Variants in PCLO observed in about 807,000 individuals in gnomAD.
PCLO encodes piccolo presynaptic cytomatrix protein, also known as protein piccolo.
Under a neutral mutation model 427.5 loss-of-function variants are expected in PCLO, and 82 were observed. The observed-to-expected ratio is 0.19, with a 90% confidence interval of 0.16 to 0.23. PCLO has a LOEUF of 0.23. Ranked by LOEUF, PCLO falls within the 10% of genes least tolerant of loss-of-function variation. The pLI is 1.00. For synonymous variants in PCLO, 2,357 were observed against 2,155.4 expected, an observed-to-expected ratio of 1.09 and a Z score of -2.59; for missense variants, 6,239 against 6,115.9, an observed-to-expected ratio of 1.02 and a Z score of -0.67.
chr7:82,796,882 T>C (rs1046191244), intron 22 of PCLO, among the ~76,000 whole-genome samples: 9 of 150,422 alleles, frequency 6.0e-5, no homozygotes, highest in African/African-American at 2.2e-4. Flanking sequence ...ATCCAAAGTT[T>C]TAATATAGTG....
At chr7:83,120,312 G>T (rs1451832861) in intron 3 of PCLO, among the ~76,000 whole-genome samples, 2 of 146,094 alleles carry the variant, frequency 1.4e-5, no homozygotes, top group African/African-American at 5.1e-5. Context: ...TGAGGCACAA[G>T]AATTGCTTGA....
At chr7:82,967,767 T>C (rs1208440699) in intron 3 of PCLO, among the ~76,000 whole-genome samples, 2 of 152,204 alleles carry the variant, frequency 1.3e-5, no homozygotes, top group East Asian at 3.8e-4. Flanking sequence ...TTGATGTGTG[T>C]TGCATTTTTT....
intron 3 of PCLO, among the ~76,000 whole-genome samples, chr7:83,073,327 C>T (rs1311859603): frequency 6.6e-6 from 1 of 151,916 alleles, no homozygotes; most frequent in Non-Finnish European, 1.5e-5. Context: ...AAATATTTTC[C>T]TAGCTTATGA....
chr7:82,934,328 T>C (rs148502712), intron 6 of PCLO, among the ~76,000 whole-genome samples: 1,921 of 151,946 alleles, frequency 0.013, 19 homozygotes, highest in Middle Eastern at 0.027. Flanking sequence ...CTAATTCTAG[T>C]ATATTAATTA....
At chr7:82,770,945 T>C (rs1057321683) in intron 22 of PCLO, among the ~76,000 whole-genome samples, 1 of 152,030 alleles carries the variant, frequency 6.6e-6, no homozygotes, top group Non-Finnish European at 1.5e-5. Context: ...AGAAATATGT[T>C]TTCTGAACAA....
intron 20 of PCLO, chr7:82,820,577 G>C: frequency 8.1e-7 from 1 of 1,227,628 alleles, no homozygotes; most frequent in South Asian, 4.2e-5. Flanking sequence ...AACACGAGTG[G>C]AAAATGTCTG....
intron 3 of PCLO, among the ~76,000 whole-genome samples, chr7:83,033,380 A>G (rs1788718605): frequency 6.6e-6 from 1 of 152,192 alleles, no homozygotes; most frequent in African/African-American, 2.4e-5. Flanking sequence ...CAATAAGATA[A>G]TATTTGGGAA....
At chr7:82,821,131 T>C (rs2115634168) in intron 20 of PCLO, 1 of 1,027,740 alleles carries the variant, frequency 9.7e-7, no homozygotes, top group African/African-American at 1.7e-5. Context: ...GCTTGACTGG[T>C]CCATCAGACA....
At chr7:82,839,937 C>A (rs1042566503) in intron 14 of PCLO, among the ~76,000 whole-genome samples, 3 of 151,732 alleles carry the variant, frequency 2.0e-5, no homozygotes, top group African/African-American at 4.8e-5. Flanking sequence ...CACTGCCTTA[C>A]GAAAATATCC....
intron 3 of PCLO, among the ~76,000 whole-genome samples, chr7:83,090,062 T>G (rs946574949): frequency 1.3e-5 from 2 of 152,142 alleles, no homozygotes; most frequent in Admixed American, 1.3e-4. Flanking sequence ...TCCAGCACTT[T>G]GGGAGGCCGA....
At chr7:82,987,568 G>A (rs978199537) in intron 3 of PCLO, among the ~76,000 whole-genome samples, 5 of 151,988 alleles carry the variant, frequency 3.3e-5, no homozygotes, top group Non-Finnish European at 7.4e-5. Flanking sequence ...GCATCAAGCA[G>A]TAGACTCCTA....
chr7:82,841,285 T>A (rs1479893978), intron 14 of PCLO, among the ~76,000 whole-genome samples, 174 bp downstream of exon 14: 1 of 152,090 alleles, frequency 6.6e-6, no homozygotes, highest in East Asian at 1.9e-4. Flanking sequence ...TTGGACTTCA[T>A]AAAACATATA....
At chr7:82,866,970 G>A (rs1793110478) in intron 10 of PCLO, among the ~76,000 whole-genome samples, 1 of 152,120 alleles carries the variant, frequency 6.6e-6, no homozygotes, top group Admixed American at 6.6e-5. Flanking sequence ...GCTCCATTTA[G>A]TCATGGTGTT....
At chr7:82,877,329 T>G (rs76815070) in intron 10 of PCLO, among the ~76,000 whole-genome samples, 9,600 of 152,192 alleles carry the variant, frequency 0.063, 422 homozygotes, top group East Asian at 0.2. Flanking sequence ...ATTCAAGTAT[T>G]TTTGCCAAAT....
At chr7:83,000,056 C>CA (rs34696638) in intron 3 of PCLO, among the ~76,000 whole-genome samples, 23 of 144,292 alleles carry the variant, frequency 1.6e-4, no homozygotes, top group Non-Finnish European at 2.6e-4. Flanking sequence ...AAAAAACAAA[C>CA]AAAAAAAAAA....
At chr7:83,060,073 T>C (rs1789506403) in intron 3 of PCLO, among the ~76,000 whole-genome samples, 1 of 152,208 alleles carries the variant, frequency 6.6e-6, no homozygotes, top group African/African-American at 2.4e-5. Context: ...TAAACTTCCC[T>C]GGCAAAGTTA....
At chr7:82,825,832 A>G (rs979459984) in intron 18 of PCLO, among the ~76,000 whole-genome samples, 28 of 148,218 alleles carry the variant, frequency 1.9e-4, no homozygotes, top group African/African-American at 6.9e-4. Flanking sequence ...ATACGTATAT[A>G]TAACATATAA....
intron 3 of PCLO, among the ~76,000 whole-genome samples, chr7:83,108,687 T>C (rs983106876): frequency 6.6e-6 from 1 of 152,074 alleles, no homozygotes; most frequent in Non-Finnish European, 1.5e-5. Context: ...TGTATTTCTT[T>C]GTAAACTACA....
At chr7:82,973,732 T>C (rs185246839) in intron 3 of PCLO, among the ~76,000 whole-genome samples, 37 of 151,800 alleles carry the variant, frequency 2.4e-4, no homozygotes, top group Admixed American at 2.3e-3. Flanking sequence ...ACTTGCAATG[T>C]AGGTTTCTGT....
Sources: allele counts gnomAD v4.1 joint callset (sites outside exome capture counted in the v4.1 genomes callset), GRCh38; gene constraint gnomAD v4.1.1; transcripts MANE v1.5; gene names NCBI Gene and HGNC (gene_info 2026-07-23, HGNC 2026-07-21).